The following FSTL4 variants were observed in gnomAD, a reference collection of about 807,000 sequenced individuals.
FSTL4 encodes follistatin-related protein 4.
Under a neutral mutation model 78.2 loss-of-function variants are expected in FSTL4, and 28 were observed. The ratio of observed to expected loss-of-function variants is 0.36; its 90% CI spans 0.27 to 0.49. The LOEUF is 0.49. FSTL4 is among the 20% of genes least tolerant of loss of function. The pLI is 0.98. For missense variants in FSTL4, 922 were observed against 1,084.9 expected, an observed-to-expected ratio of 0.85 and a Z score of 2.11; for synonymous variants, 422 against 440.5, an observed-to-expected ratio of 0.96 and a Z score of 0.53.
intron 6 of FSTL4, among the ~76,000 whole-genome samples, chr5:133,250,227 C>T (rs1008352536): frequency 6.6e-6 from 1 of 152,242 alleles, no homozygotes; most frequent in African/African-American, 2.4e-5. Context: ...GGCATTAGGA[C>T]TGATCATTCT....
intron 3 of FSTL4, among the ~76,000 whole-genome samples, chr5:133,500,381 C>T (rs1489522698): frequency 6.6e-6 from 1 of 152,174 alleles, no homozygotes; most frequent in Non-Finnish European, 1.5e-5. Context: ...CCTGACTCTG[C>T]CTTTGAACAA....
intron 6 of FSTL4, among the ~76,000 whole-genome samples, chr5:133,255,144 T>A (rs1169660471): frequency 6.6e-6 from 1 of 152,154 alleles, no homozygotes; most frequent in Non-Finnish European, 1.5e-5. Flanking sequence ...TGCCCAGCAC[T>A]CAGAGTGTGA....
the FSTL4 span, among the ~76,000 whole-genome samples, chr5:133,659,003 T>G: frequency 2.6e-4 from 40 of 152,272 alleles, 1 homozygote; most frequent in Middle Eastern, 3.4e-3. Flanking sequence ...TTTAAACTTA[T>G]AAAGCTTTTA....
intron 3 of FSTL4, among the ~76,000 whole-genome samples, chr5:133,484,125 C>T (rs987459035): frequency 1.2e-4 from 19 of 152,224 alleles, no homozygotes; most frequent in African/African-American, 4.3e-4. Context: ...GGGTGTGGCA[C>T]CTTCTCTGCT....
intron 1 of FSTL4, among the ~76,000 whole-genome samples, chr5:133,610,796 T>C (rs1045672911): frequency 2.0e-5 from 3 of 152,126 alleles, no homozygotes; most frequent in East Asian, 1.9e-4. Flanking sequence ...TCCCCTAAAT[T>C]TGGCAGTAGG....
intron 4 of FSTL4, among the ~76,000 whole-genome samples, chr5:133,346,097 A>G (rs2126922175): frequency 6.6e-6 from 1 of 152,376 alleles, no homozygotes; most frequent in East Asian, 1.9e-4. Context: ...TTGCAGGGAC[A>G]TGAATGAAGC....
chr5:133,293,192 G>C (rs17166496), intron 6 of FSTL4, among the ~76,000 whole-genome samples: 80,077 of 152,104 alleles, frequency 0.53, 21,650 homozygotes, highest in Middle Eastern at 0.62. Flanking sequence ...TCTCGGAATG[G>C]TCTTCACTGT....
At chr5:133,655,685 T>A in the FSTL4 span, among the ~76,000 whole-genome samples, 30,663 of 151,810 alleles carry the variant, frequency 0.2, 4,038 homozygotes, top group African/African-American at 0.38. Flanking sequence ...GAATATAATA[T>A]CAGATAGTAA....
the FSTL4 span, among the ~76,000 whole-genome samples, chr5:133,662,201 A>G: frequency 2.0e-5 from 3 of 152,232 alleles, no homozygotes; most frequent in African/African-American, 2.4e-5. Flanking sequence ...AACTCCCTAT[A>G]TAGTGGCAAT....
At chr5:133,651,216 A>G in the FSTL4 span, among the ~76,000 whole-genome samples, 2 of 152,058 alleles carry the variant, frequency 1.3e-5, no homozygotes, top group Non-Finnish European at 2.9e-5. Context: ...TCCAATTTAT[A>G]TAACTTTTAT....
At chr5:133,208,655 G>A (rs1016206978) in intron 14 of FSTL4, among the ~76,000 whole-genome samples, 1 of 152,056 alleles carries the variant, frequency 6.6e-6, no homozygotes, top group Non-Finnish European at 1.5e-5. Context: ...ACTATTTTGG[G>A]TCTCAGTAGA....
At chr5:133,703,309 A>G in the FSTL4 span, among the ~76,000 whole-genome samples, 1 of 152,134 alleles carries the variant, frequency 6.6e-6, no homozygotes, top group Non-Finnish European at 1.5e-5. Context: ...TTCCAATTAG[A>G]TCATTTTAAA....
At position 133,441,454 on chromosome 5, in the gene FSTL4, CGAGAAACGTTTAGTGCAGAT is replaced by C. The variant is rs564461180; in HGVS notation, c.161-40488_161-40469del. ...CACTGCCAGTATCTGCTACAGTGGC[CGAGAAACGTTTAGTGCAGAT>C]AGGCAAACTGTGCCTCCAGCCCTCA... On this transcript the variant is annotated intron_variant, in intron 3 of 15. Coordinates refer to ENST00000265342, the MANE Select transcript of FSTL4 (RefSeq NM_015082.2). Among the ~76,000 whole-genome samples, 1,082 of 152,164 alleles carry C rather than the reference CGAGAAACGTTTAGTGCAGAT, an allele frequency of 7.1e-3. 12 individuals carry two copies. Among genetic ancestry groups the C allele is most frequent in the African/African-American group, 0.025 (1,036 of 41,510 alleles).
intron 4 of FSTL4, among the ~76,000 whole-genome samples, chr5:133,381,440 C>G (rs1755567545): frequency 6.6e-6 from 1 of 152,104 alleles, no homozygotes; most frequent in African/African-American, 2.4e-5. Context: ...AGTTCAAAAA[C>G]AAGAGAAAGT....
intron 3 of FSTL4, among the ~76,000 whole-genome samples, chr5:133,494,220 A>G (rs765056683): frequency 3.3e-5 from 5 of 152,220 alleles, no homozygotes; most frequent in Non-Finnish European, 5.9e-5. Flanking sequence ...AGAAAAAAGA[A>G]AAGGAAGAGA....
chr5:133,312,340 T>C (rs975025084), intron 6 of FSTL4: 1 of 283,338 alleles, frequency 3.5e-6, no homozygotes, highest in Non-Finnish European at 6.6e-6. Flanking sequence ...TGCTTCCTTC[T>C]CCTTCAGTCA....
chr5:133,804,938 G>A, the FSTL4 span, among the ~76,000 whole-genome samples: 6 of 50,390 alleles, frequency 1.2e-4, no homozygotes, highest in East Asian at 5.6e-4. Context: ...GTGAGACTCC[G>A]TCTCAAAAAA....
the FSTL4 span, among the ~76,000 whole-genome samples, chr5:133,697,298 C>T: frequency 6.6e-6 from 1 of 152,162 alleles, no homozygotes; most frequent in African/African-American, 2.4e-5. Flanking sequence ...ACTCAGGCAA[C>T]CCCGGGTGAA....
chr5:133,473,670 T>G (rs1048520072), intron 3 of FSTL4, among the ~76,000 whole-genome samples: 1 of 152,210 alleles, frequency 6.6e-6, no homozygotes, highest in African/African-American at 2.4e-5. Flanking sequence ...TAGGTATTAG[T>G]CTGTTCTCAT....
Sources: gnomAD v4.1 joint callset for allele counts (sites outside exome capture counted in the v4.1 genomes callset) on GRCh38, gnomAD v4.1.1 for gene constraint, MANE v1.5 for transcripts, NCBI Gene and HGNC (gene_info 2026-07-23, HGNC 2026-07-21) for gene names.